The following ASCC3 variants were observed in gnomAD, a reference collection of about 807,000 sequenced individuals.
The protein encoded by ASCC3 is ASC-1 complex subunit P200.
In ASCC3, 158 loss-of-function variants were observed where a neutral mutation model predicts 256.3. The observed-to-expected ratio is 0.62, with a 90% CI of 0.54 to 0.70. The LOEUF (loss-of-function observed/expected upper bound fraction) is 0.70, where lower values mean the gene tolerates loss of function less well. Among genes scored for constraint, ASCC3 ranks in the 30% least tolerant of loss-of-function variants. The probability of loss-of-function intolerance (pLI) is 0.00; values close to 1 mark genes in which losing one functional copy is unlikely to be tolerated. For synonymous variants in ASCC3, 948 were observed against 883.4 expected, an observed-to-expected ratio of 1.07 and a Z score of -1.30; for missense variants, 2,259 against 2,626.0, an observed-to-expected ratio of 0.86 and a Z score of 3.05.
chr6:100,786,737 C>A (rs1769099753), intron 8 of ASCC3, among the ~76,000 whole-genome samples: 1 of 152,038 alleles, frequency 6.6e-6, no homozygotes, highest in Non-Finnish European at 1.5e-5. Flanking sequence ...GAAGTTAGAT[C>A]CTACAATCTC....
In ASCC3 at chr6:100,628,445, G is replaced by A. The variant is rs1013859721; in HGVS notation, c.4376-458C>T. Among the ~76,000 whole-genome samples the A allele has an allele frequency of 1.3e-5, 2 of 152,074 alleles. 1 individual carries two copies. Among genetic ancestry groups the A allele is most frequent in the South Asian group, 4.2e-4 (2 of 4,818 alleles). On this transcript the variant is annotated intron_variant, in intron 27 of 41. Transcript: ENST00000369162. Reference sequence around the variant, plus strand: ...CTGTAATCTCCAATGTTGAAGGTGGGGCCTGGTAGGAGGTGATAGGATCAT... The same window carrying A: ...CTGTAATCTCCAATGTTGAAGGTGGAGCCTGGTAGGAGGTGATAGGATCAT...
At chr6:100,773,307 T>C (rs565927188) in intron 8 of ASCC3, among the ~76,000 whole-genome samples, 1 of 152,286 alleles carries the variant, frequency 6.6e-6, no homozygotes, top group East Asian at 1.9e-4. Flanking sequence ...AAAATAGTGC[T>C]ATGAATGAAT....
In ASCC3 at chr6:100,722,797, T is replaced by C. The variant is rs558087282; in HGVS notation, c.1902+2742A>G. Among the ~76,000 whole-genome samples, 14 of 151,952 alleles carry C rather than the reference T, an allele frequency of 9.2e-5. No homozygotes were observed. In the South Asian group the frequency reaches 2.5e-3, roughly 27 times the overall value. On this transcript the variant is annotated intron_variant, in intron 11 of 41. Coordinates refer to ENST00000369162, the MANE Select transcript of ASCC3 (RefSeq NM_006828.4). ...ATAAATAAATGTGGAATGTATAGAT[T>C]ATTGTGGTATAGCTCCCCGAATGTA...
In ASCC3 at chr6:100,589,151, C is replaced by T. The variant is rs1362442638; in HGVS notation, c.5550+483G>A. On this transcript the variant is annotated intron_variant, in intron 36 of 41. Transcript: ENST00000369162. Reference sequence around the variant, plus strand: ...TTTTACCATGTGATATATCTGTGGTCATTTTTTTGGTAAGGGTGTTTGTGG... The same window carrying T: ...TTTTACCATGTGATATATCTGTGGTTATTTTTTTGGTAAGGGTGTTTGTGG... 2.6e-5 allele frequency among the ~76,000 whole-genome samples: 4 copies of T among 152,026 alleles called. No homozygotes were observed. In the East Asian group the frequency reaches 7.7e-4, roughly 29 times the overall value.
At chr6:100,606,267 A>G (rs1180674825) in intron 32 of ASCC3, among the ~76,000 whole-genome samples, 3 of 152,044 alleles carry the variant, frequency 2.0e-5, no homozygotes, top group Non-Finnish European at 2.9e-5. Context: ...TTTTGAACTC[A>G]CTGAAAATGC....
chr6:100,731,525 C>A (rs1256172851), intron 10 of ASCC3, among the ~76,000 whole-genome samples: 1 of 152,162 alleles, frequency 6.6e-6, no homozygotes, highest in African/African-American at 2.4e-5. Context: ...GGATTTTACT[C>A]CATTAATGTC....
chr6:100,826,625 G>A (rs1022605126), intron 4 of ASCC3, among the ~76,000 whole-genome samples: 32 of 152,080 alleles, frequency 2.1e-4, no homozygotes, highest in Non-Finnish European at 4.0e-4. Context: ...ATTACTAATT[G>A]AACTGCTGAA....
chr6:100,795,483 T>G (rs1769566554), intron 8 of ASCC3, among the ~76,000 whole-genome samples: 1 of 152,122 alleles, frequency 6.6e-6, no homozygotes, highest in East Asian at 1.9e-4. Flanking sequence ...TAGGCAGCTT[T>G]ACTTCTGGAC....
Position 100,718,199 on chromosome 6 carries a change from G to C in ASCC3, c.1955C>G (p.Pro652Arg), listed in dbSNP as rs766428747. The C allele has an allele frequency of 3.7e-6, 6 of 1,613,260 alleles. No homozygotes were observed. In the South Asian group the frequency reaches 4.4e-5, roughly 12 times the overall value. ...AAATGTGGCAACATCGAGGTAGTTA[G>C]GTAAAGTTGCAGACAGTCCGAGAAT... is the stretch of plus-strand genomic sequence containing the variant. The part of the protein sequence containing the change: ...IRILGLSATL[P>R]NYLDVATFLH... Residue 652 changes from proline (P) to arginine (R), a missense_variant, in exon 12 of 42, where the codon CCT becomes CGT. Physicochemically the swap from Pro to Arg is moderately radical, Grantham distance 103. This residue lies in a region of ASCC3 where 1,839 missense variants were observed against 2,206.7 expected (regional missense o/e 0.83). Transcript: ENST00000369162.
chr6:100,679,619 T>C lies in ASCC3; in HGVS notation c.2285A>G (p.Gln762Arg). 6.2e-7 allele frequency: 1 copy of C among 1,613,542 alleles called. No homozygotes were observed. ...GTTCTTGTCCTCTTTGTTTCTTACCTGTTTTTCTGCAAGTACATAGTCATG... is the reference window on the plus strand; with the variant it reads ...GTTCTTGTCCTCTTTGTTTCTTACCCGTTTTTCTGCAAGTACATAGTCATG... ...QGHDYVLAEK[Q>R]VQRSRNKQVR... Residue 762 changes from glutamine (Q) to arginine (R), a missense_variant and splice_region_variant, in exon 14 of 42, where the codon CAG becomes CGG. Around this residue, in one of 2 missense-constraint regions of ASCC3, gnomAD observed 1,839 missense variants for 2,206.7 expected, o/e 0.83. Transcript: ENST00000369162.
At chr6:100,721,780 C>A (rs1400897670) in intron 11 of ASCC3, among the ~76,000 whole-genome samples, 4 of 130,122 alleles carry the variant, frequency 3.1e-5, no homozygotes, top group African/African-American at 2.7e-5. Flanking sequence ...TTAGGTCCTA[C>A]TTGTCAAATT....
intron 13 of ASCC3, among the ~76,000 whole-genome samples, chr6:100,704,570 AT>A (rs1164982401): frequency 6.6e-6 from 1 of 152,002 alleles, no homozygotes; most frequent in East Asian, 1.9e-4. Context: ...AATAAAAATA[AT>A]TTTCTTCAGA....
chr6:100,634,864 C>CAAAAAAAAAAAAAAA (rs199632200), intron 25 of ASCC3, among the ~76,000 whole-genome samples: 18 of 119,270 alleles, frequency 1.5e-4, no homozygotes, highest in East Asian at 2.6e-4. Context: ...CCTCAAAAAA[C>CAAAAAAAAAAAAAAA]AAAAAAAAAA....
At chr6:100,728,349 T>C (rs2115044535) in intron 10 of ASCC3, among the ~76,000 whole-genome samples, 1 of 152,116 alleles carries the variant, frequency 6.6e-6, no homozygotes, top group East Asian at 1.9e-4. Context: ...GAGGATATGT[T>C]TACAGAGGAT....
chr6:100,525,910 C>T (rs1774558320), intron 37 of ASCC3, among the ~76,000 whole-genome samples: 1 of 152,064 alleles, frequency 6.6e-6, no homozygotes, highest in Non-Finnish European at 1.5e-5. Context: ...CTATTTAGTT[C>T]AAGAGCTCCC....
At chr6:100,793,055 T>C (rs1361078353) in intron 8 of ASCC3, among the ~76,000 whole-genome samples, 2 of 152,024 alleles carry the variant, frequency 1.3e-5, no homozygotes, top group South Asian at 4.1e-4. Flanking sequence ...GATGCTATCC[T>C]ACAAGATCTG....
At chr6:100,645,598 T>C (rs895667840) in intron 22 of ASCC3, among the ~76,000 whole-genome samples, 5 of 152,164 alleles carry the variant, frequency 3.3e-5, no homozygotes, top group Non-Finnish European at 7.4e-5. Flanking sequence ...ACTTCCTTGT[T>C]TTCCCTGATT....
At chr6:100,797,477 T>G (rs200642466) in intron 8 of ASCC3, among the ~76,000 whole-genome samples, 275 of 48,164 alleles carry the variant, frequency 5.7e-3, no homozygotes, top group Non-Finnish European at 9.0e-3. Context: ...AAAAAAAAAA[T>G]GAAAAAAAAA....
intron 36 of ASCC3, among the ~76,000 whole-genome samples, chr6:100,541,802 C>G (rs1775476987): frequency 6.6e-6 from 1 of 152,110 alleles, no homozygotes. Flanking sequence ...TGACATAGAT[C>G]TTAGAATTAG....
Sources: allele counts gnomAD v4.1 joint callset (sites outside exome capture counted in the v4.1 genomes callset), GRCh38; gene constraint gnomAD v4.1.1; regional missense constraint gnomAD v4.1.1; transcripts MANE v1.5; gene names NCBI Gene and HGNC (gene_info 2026-07-23, HGNC 2026-07-21).